The following RAPGEF4 variants were observed in gnomAD, a reference collection of about 807,000 sequenced individuals.
The protein encoded by RAPGEF4 is Rap guanine nucleotide exchange factor 4, also known as RAP guanine-nucleotide-exchange factor (GEF) 4.
A neutral mutation model predicts 147.9 loss-of-function variants in RAPGEF4; 66 were observed. That is an observed-to-expected ratio of 0.45 (90% confidence interval 0.37 to 0.55). The LOEUF (loss-of-function observed/expected upper bound fraction) is 0.55, where lower values mean the gene tolerates loss of function less well. RAPGEF4 is among the 20% of genes least tolerant of loss of function. RAPGEF4 has a pLI of 0.00. For synonymous variants in RAPGEF4, 419 were observed against 442.7 expected, an observed-to-expected ratio of 0.95 and a Z score of 0.67; for missense variants, 1,071 against 1,257.3, an observed-to-expected ratio of 0.85 and a Z score of 2.24.
At chr2:172,888,426 T>G (rs976929506) in intron 4 of RAPGEF4, among the ~76,000 whole-genome samples, 1 of 152,192 alleles carries the variant, frequency 6.6e-6, no homozygotes, top group Non-Finnish European at 1.5e-5. Flanking sequence ...GCACAGCATG[T>G]TAATTGGAGA....
chr2:172,908,813 G>C (rs1699849360), intron 4 of RAPGEF4, among the ~76,000 whole-genome samples: 1 of 152,248 alleles, frequency 6.6e-6, no homozygotes, highest in Non-Finnish European at 1.5e-5. Flanking sequence ...CTAATTCAAA[G>C]CACTCATTTT....
intron 23 of RAPGEF4, among the ~76,000 whole-genome samples, chr2:173,025,667 T>G (rs138209817): frequency 6.6e-6 from 1 of 152,244 alleles, no homozygotes; most frequent in Non-Finnish European, 1.5e-5. Context: ...TGTCTTGAAC[T>G]ACTGACCTCA....
intron 4 of RAPGEF4, among the ~76,000 whole-genome samples, chr2:172,819,306 T>TA (rs1187350081): frequency 6.6e-6 from 1 of 152,028 alleles, no homozygotes; most frequent in African/African-American, 2.4e-5. Context: ...TAGAACTTAA[T>TA]AAAAAATATT....
intron 4 of RAPGEF4, among the ~76,000 whole-genome samples, chr2:172,836,084 C>G (rs184343262): frequency 6.6e-6 from 1 of 152,090 alleles, no homozygotes; most frequent in Admixed American, 6.5e-5. Context: ...GGAAATATAC[C>G]TTCCACTCCA....
At chr2:172,818,958 A>G (rs1163990896) in intron 4 of RAPGEF4, among the ~76,000 whole-genome samples, 1 of 152,162 alleles carries the variant, frequency 6.6e-6, no homozygotes, top group Non-Finnish European at 1.5e-5. Flanking sequence ...TATAGGCAAC[A>G]CTCAGAGTAT....
intron 4 of RAPGEF4, among the ~76,000 whole-genome samples, chr2:172,912,363 T>C (rs1473119800): frequency 6.6e-6 from 1 of 152,214 alleles, no homozygotes; most frequent in East Asian, 1.9e-4. Flanking sequence ...CTTTTTGTGG[T>C]TACTGTGATA....
chr2:172,973,646 C>T (rs546522752), intron 10 of RAPGEF4, among the ~76,000 whole-genome samples: 7 of 151,992 alleles, frequency 4.6e-5, no homozygotes, highest in African/African-American at 9.7e-5. Context: ...CCTCTGTGTA[C>T]GTTGGGTATT....
At chr2:172,918,412 AAGT>A (rs1684340499) in intron 5 of RAPGEF4, among the ~76,000 whole-genome samples, 2 of 71,046 alleles carry the variant, frequency 2.8e-5, no homozygotes, top group African/African-American at 1.4e-4. Flanking sequence ...CACACACACA[AAGT>A]GACTATGGAA....
chr2:173,014,393 C>A, intron 17 of RAPGEF4, 71 bp from the exon 18 acceptor site: 2 of 1,594,106 alleles, frequency 1.3e-6, no homozygotes, highest in Non-Finnish European at 1.7e-6. Context: ...GGATCTGTCA[C>A]TCTTTACCTT....
intron 4 of RAPGEF4, among the ~76,000 whole-genome samples, chr2:172,913,864 C>A (rs886322515): frequency 1.3e-5 from 2 of 152,110 alleles, no homozygotes; most frequent in African/African-American, 4.8e-5. Flanking sequence ...AGTCTCTCTC[C>A]TGCTTGACCC....
At chr2:172,931,143 A>G (rs1422285522) in intron 6 of RAPGEF4, among the ~76,000 whole-genome samples, 2 of 106,354 alleles carry the variant, frequency 1.9e-5, no homozygotes, top group Non-Finnish European at 3.5e-5. Context: ...CCACAATAAA[A>G]GGATTAGTAA....
rs1700101630 is a variant in RAPGEF4 at position 172,911,655 on chromosome 2, CA to C, written c.445-6146del. Among the ~76,000 whole-genome samples the C allele has an allele frequency of 4.7e-5, 7 of 150,168 alleles. No homozygotes were observed. In the South Asian group the frequency reaches 1.5e-3, roughly 32 times the overall value. On this transcript the variant is annotated intron_variant, in intron 4 of 30. Coordinates refer to ENST00000397081, the MANE Select transcript of RAPGEF4 (RefSeq NM_007023.4). ...TGTATTTTTAGTAGAGACGAGGTTT[CA>C]CCATGTTGGCCAGGCAGGTCTCAAA...
chr2:172,736,114 G>T, intron 1 of RAPGEF4, 66 bp downstream of exon 1: 1 of 1,268,254 alleles, frequency 7.9e-7, no homozygotes, highest in Non-Finnish European at 1.0e-6. Flanking sequence ...TGAGACCGCC[G>T]CAGCTCCGCA....
chr2:172,965,361 C>G (rs1252080511), intron 8 of RAPGEF4: 1 of 649,516 alleles, frequency 1.5e-6, no homozygotes, highest in East Asian at 2.5e-5. Context: ...TTAAAGTTCT[C>G]TCATGAGCTG....
chr2:173,046,136 T>G (rs1378966635), intron 29 of RAPGEF4, among the ~76,000 whole-genome samples: 2 of 152,222 alleles, frequency 1.3e-5, no homozygotes, highest in Non-Finnish European at 2.9e-5. Context: ...TGAAGCCAGA[T>G]TTGGATTTCG....
chr2:172,737,900 GA>G (rs921431602), intron 1 of RAPGEF4, among the ~76,000 whole-genome samples: 23 of 151,854 alleles, frequency 1.5e-4, no homozygotes, highest in Admixed American at 9.2e-4. Flanking sequence ...AATGGAAGGA[GA>G]AAAAAAAGGT....
chr2:172,811,966 GTTC>G (rs888696041), intron 3 of RAPGEF4, among the ~76,000 whole-genome samples: 1 of 152,182 alleles, frequency 6.6e-6, no homozygotes, highest in Non-Finnish European at 1.5e-5. Flanking sequence ...GGGTGAAAAT[GTTC>G]TTCTTGGCAC....
At chr2:172,811,227 A>T (rs1042123724) in intron 3 of RAPGEF4, among the ~76,000 whole-genome samples, 1 of 152,222 alleles carries the variant, frequency 6.6e-6, no homozygotes, top group African/African-American at 2.4e-5. Flanking sequence ...GGCACACTGC[A>T]CAGAGCCATC....
intron 3 of RAPGEF4, among the ~76,000 whole-genome samples, chr2:172,807,780 A>T (rs1293189687): frequency 6.6e-6 from 1 of 152,208 alleles, no homozygotes; most frequent in African/African-American, 2.4e-5. Context: ...AAAGAAAAAA[A>T]TATGTTTCTG....
Sources: allele counts gnomAD v4.1 joint callset (sites outside exome capture counted in the v4.1 genomes callset), GRCh38; gene constraint gnomAD v4.1.1; transcripts MANE v1.5; gene names NCBI Gene and HGNC (gene_info 2026-07-23, HGNC 2026-07-21).